BRAF: variants seen among roughly 807,000 people sequenced by gnomAD.
BRAF encodes the protein serine/threonine-protein kinase B-raf.
Under a neutral mutation model 104.6 loss-of-function variants are expected in BRAF, and 16 were observed. The ratio of observed to expected loss-of-function variants is 0.15; its 90% CI spans 0.10 to 0.23. BRAF has a LOEUF of 0.23. BRAF is among the 10% of genes least tolerant of loss of function. BRAF has a pLI of 1.00. For synonymous variants in BRAF, 310 were observed against 341.6 expected, an observed-to-expected ratio of 0.91 and a Z score of 1.02; for missense variants, 541 against 937.3, an observed-to-expected ratio of 0.58 and a Z score of 5.52.
intron 8 of BRAF, among the ~76,000 whole-genome samples, chr7:140,789,484 A>C (rs1801730315): frequency 6.6e-6 from 1 of 152,216 alleles, no homozygotes; most frequent in Non-Finnish European, 1.5e-5. Flanking sequence ...TAAAGTCTTC[A>C]ACATTTTCTA....
intron 13 of BRAF, 58 bp from the exon 13 acceptor site, chr7:140,777,146 C>A (rs1472516964): frequency 1.4e-5 from 21 of 1,554,408 alleles, no homozygotes; most frequent in Non-Finnish European, 1.8e-5. Flanking sequence ...GCAATTCTTA[C>A]AAAAGAGAAC....
At chr7:140,740,771 T>C (rs1213463801) in intron 17 of BRAF, 1 of 152,284 alleles carries the variant, frequency 6.6e-6, no homozygotes, top group Non-Finnish European at 1.5e-5. Flanking sequence ...CTTGATACAT[T>C]GTGTTATTTC....
In BRAF at chr7:140,722,537, C is replaced by A; in HGVS notation, c.*3957G>T. 1.9e-6 allele frequency: 2 copies of A among 1,057,186 alleles called. No individual in the cohort carries two copies. The highest frequency in any genetic ancestry group is 4.6e-5 in the South Asian group (1 of 21,904). 65.5% of individuals were successfully genotyped at this position (1,057,186 alleles called of 1,614,324 possible). A position where few individuals can be genotyped will look rare whatever the true frequency, so the allele number is the denominator to read the frequency against. On this transcript the variant is annotated 3_prime_UTR_variant, in exon 20 of 20. Coordinates refer to ENST00000644969, the MANE Select transcript of BRAF (RefSeq NM_001374258.1). ...ATTTGCTGTTCATACTCACAGTAAACCTTCCATCTCTGGCTATGGTGTTTA... is the reference window on the plus strand; with the variant it reads ...ATTTGCTGTTCATACTCACAGTAAAACTTCCATCTCTGGCTATGGTGTTTA...
intron 1 of BRAF, among the ~76,000 whole-genome samples, chr7:140,915,997 C>CAAAA (rs956567561): frequency 1.6e-5 from 2 of 124,038 alleles, no homozygotes; most frequent in African/African-American, 3.4e-5. Context: ...AACAAACAAA[C>CAAAA]AAAAAAAACC....
At chr7:140,812,688 A>T (rs1231689316) in intron 3 of BRAF, among the ~76,000 whole-genome samples, 1 of 152,228 alleles carries the variant, frequency 6.6e-6, no homozygotes, top group Non-Finnish European at 1.5e-5. Flanking sequence ...CCTGTACAAC[A>T]GATGAAGAAA....
chr7:140,869,955 C>T (rs1324963049), intron 1 of BRAF, among the ~76,000 whole-genome samples: 1 of 149,422 alleles, frequency 6.7e-6, no homozygotes, highest in African/African-American at 2.6e-5. Flanking sequence ...TTTGATAGAT[C>T]CCATTTAAAC....
chr7:140,732,497 A>G (rs1414001541), intron 19 of BRAF: 1 of 152,176 alleles, frequency 6.6e-6, no homozygotes, highest in African/African-American at 2.4e-5. Flanking sequence ...CACATTTTTA[A>G]TGTCCTTTCA....
rs1203552676 is a variant in BRAF, at chr7:140,924,181, C to T, written c.138+385G>A. On this transcript the variant is annotated intron_variant, in intron 1 of 19. Transcript: ENST00000644969. This position sits in a 1 kb window ranked among gnomAD's most constrained non-coding sequence, Gnocchi z 4.2. ...CGGGCTGTTGTCTCAGCCCCAGCAA[C>T]TAACCTATATCCTCCACGTCGAGGC... Among the ~76,000 whole-genome samples the T allele has an allele frequency of 2.0e-5, 3 of 152,286 alleles. No homozygotes were observed. The East Asian group carries it at 5.8e-4, about 29-fold the overall frequency.
intron 2 of BRAF, 96 bp from the exon 3 acceptor site, chr7:140,834,968 C>G: frequency 3.6e-6 from 5 of 1,403,224 alleles, no homozygotes; most frequent in Non-Finnish European, 5.0e-6. Context: ...AATCTTTTCA[C>G]CAGTTGATAG....
intron 1 of BRAF, among the ~76,000 whole-genome samples, chr7:140,907,820 C>G (rs1369668726): frequency 6.6e-6 from 1 of 151,934 alleles, no homozygotes; most frequent in East Asian, 1.9e-4. Context: ...TCTCGGCTCA[C>G]TACAATCTCC....
At chr7:140,901,175 GA>G (rs1432186231) in intron 1 of BRAF, among the ~76,000 whole-genome samples, 1 of 152,188 alleles carries the variant, frequency 6.6e-6, no homozygotes. Flanking sequence ...AAGTTTGTAT[GA>G]AAAAATATGA....
intron 5 of BRAF, among the ~76,000 whole-genome samples, chr7:140,803,390 T>A (rs1395073997): frequency 2.0e-5 from 3 of 151,972 alleles, no homozygotes; most frequent in Non-Finnish European, 4.4e-5. Context: ...AAAAACAAAA[T>A]AGCTGACAGA....
chr7:140,723,358 C>T lies in BRAF; in HGVS notation c.*3136G>A. ...TCTTTATATACTGCTCTTTCTTCTC[C>T]AACACCAACATAAATATAGCATATA... is the stretch of plus-strand genomic sequence containing the variant. On this transcript the variant is annotated 3_prime_UTR_variant, in exon 20 of 20. Coordinates refer to ENST00000644969, the MANE Select transcript of BRAF (RefSeq NM_001374258.1). The T allele has an allele frequency of 9.5e-7, 1 of 1,055,322 alleles. No individual in the cohort carries two copies. The highest frequency in any genetic ancestry group is 1.1e-6 in the Non-Finnish European group (1 of 873,218). 65.4% of individuals were successfully genotyped at this position (1,055,322 alleles called of 1,614,324 possible).
intron 1 of BRAF, among the ~76,000 whole-genome samples, chr7:140,906,503 G>T (rs1371566120): frequency 2.6e-5 from 4 of 152,120 alleles, no homozygotes; most frequent in Non-Finnish European, 5.9e-5. Context: ...TTTAATTAAG[G>T]TCTTACTAGT....
intron 3 of BRAF, among the ~76,000 whole-genome samples, chr7:140,830,754 G>A (rs77706653): frequency 5.6e-4 from 85 of 152,268 alleles, no homozygotes; most frequent in Non-Finnish European, 9.7e-4. Flanking sequence ...GAGCTTCCAG[G>A]GTGCTGAACA....
chr7:140,913,431 T>C (rs1394240821), intron 1 of BRAF, among the ~76,000 whole-genome samples: 2 of 150,770 alleles, frequency 1.3e-5, no homozygotes. Context: ...GTCACCAATG[T>C]AGTTTTGGAT....
At position 140,719,801 on chromosome 7, in the gene BRAF, C is replaced by A. The variant is rs1795235273; in HGVS notation, c.*6693G>T. The A allele has an allele frequency of 9.4e-7, 1 of 1,062,654 alleles. No homozygotes were observed. 65.8% of individuals were successfully genotyped at this position (1,062,654 alleles called of 1,614,324 possible). ...GGTCTGTGGACAATTAAAAAGTCCCCATCTTTTCACTGGGCACGCCCCAGA... is the reference window on the plus strand; with the variant it reads ...GGTCTGTGGACAATTAAAAAGTCCCAATCTTTTCACTGGGCACGCCCCAGA... On this transcript the variant is annotated 3_prime_UTR_variant, in exon 20 of 20. Coordinates refer to ENST00000644969, the MANE Select transcript of BRAF (RefSeq NM_001374258.1).
intron 19 of BRAF, chr7:140,730,904 C>T (rs1585916576): frequency 6.6e-6 from 1 of 152,180 alleles, no homozygotes; most frequent in Non-Finnish European, 1.5e-5. Context: ...TGAAAAGTAA[C>T]AGTTTACTTC....
At chr7:140,747,699 T>C (rs369851312) in intron 17 of BRAF, among the ~76,000 whole-genome samples, 1 of 152,140 alleles carries the variant, frequency 6.6e-6, no homozygotes, top group Non-Finnish European at 1.5e-5. Flanking sequence ...AAAGTGAACA[T>C]GGTACAGGCT....
Sources: allele counts gnomAD v4.1 joint callset (sites outside exome capture counted in the v4.1 genomes callset), GRCh38; gene constraint gnomAD v4.1.1; non-coding constraint Gnocchi (gnomAD v3.1); transcripts MANE v1.5; gene names NCBI Gene and HGNC (gene_info 2026-07-23, HGNC 2026-07-21).